CD8B2: variants seen among roughly 807,000 people sequenced by gnomAD.
CD8B2 encodes the protein CD8B family member 2.
CD8B2 carries 11 observed loss-of-function variants against 23.7 expected under a neutral mutation model. The ratio of observed to expected loss-of-function variants is 0.46; its 90% CI spans 0.29 to 0.77. The LOEUF (loss-of-function observed/expected upper bound fraction) is 0.77, where lower values mean the gene tolerates loss of function less well. Among genes scored for constraint, CD8B2 ranks in the 30% least tolerant of loss-of-function variants. The pLI, the probability that CD8B2 is intolerant of heterozygous loss-of-function variation, is 0.09. For missense variants in CD8B2, 197 were observed against 270.5 expected, an observed-to-expected ratio of 0.73 and a Z score of 1.91; for synonymous variants, 90 against 109.3, an observed-to-expected ratio of 0.82 and a Z score of 1.10.
rs1328989299 is a variant in CD8B2 at position 106,508,917 on chromosome 2, A to G, written c.*1977A>G. On this transcript the variant is annotated 3_prime_UTR_variant, in exon 6 of 6. Coordinates refer to ENST00000643224, the MANE Select transcript of CD8B2 (RefSeq NM_001349727.2). ...GGGGTTTTTCCTTTTGGTGTACGTT[A>G]ATTGGCCTTAGATGCCCTGCCCCCA... 1.2e-5 allele frequency: 1 copy of G among 80,652 alleles called. No individual in the cohort carries two copies. The highest frequency in any genetic ancestry group is 1.4e-4 in the Admixed American group (1 of 6,916). The allele number at this position is 80,652 out of a possible 1,614,324, so 5.0% of individuals were successfully genotyped here. A position where few individuals can be genotyped will look rare whatever the true frequency, so the allele number is the denominator to read the frequency against.
At chr2:106,514,286 CTTTT>C (rs536439504), downstream of CD8B2, among the ~76,000 whole-genome samples, 7 of 111,988 alleles carry the variant, frequency 6.3e-5, no homozygotes, top group Admixed American at 1.9e-4. Context: ...GAACGCTTGT[CTTTT>C]TTTTTTTTTT....
intron 4 of CD8B2, among the ~76,000 whole-genome samples, chr2:106,503,931 T>G (rs1298472702): frequency 6.7e-6 from 1 of 148,492 alleles, no homozygotes; most frequent in African/African-American, 2.4e-5. Flanking sequence ...ATGTCTGACC[T>G]GCTGTGAAGG....
intron 5 of CD8B2, among the ~76,000 whole-genome samples, chr2:106,524,345 G>A (rs920029312): frequency 1.3e-5 from 2 of 152,164 alleles, no homozygotes; most frequent in African/African-American, 4.8e-5. Flanking sequence ...TTATTTCCGG[G>A]CATTGTTTTC....
intron 2 of CD8B2, among the ~76,000 whole-genome samples, chr2:106,495,238 G>T (rs1245643430): frequency 6.6e-6 from 1 of 152,158 alleles, no homozygotes; most frequent in Non-Finnish European, 1.5e-5. Flanking sequence ...CGGTTAATCA[G>T]GGGTGTAGGT....
chr2:106,494,660 C>T (rs62153986), intron 2 of CD8B2, among the ~76,000 whole-genome samples: 37 of 152,048 alleles, frequency 2.4e-4, no homozygotes, highest in Non-Finnish European at 2.2e-4. Flanking sequence ...CAGCTGTCTT[C>T]CTTTGCTCTG....
intron 5 of CD8B2, among the ~76,000 whole-genome samples, chr2:106,524,994 C>G (rs1558884747): frequency 6.6e-6 from 1 of 152,186 alleles, no homozygotes; most frequent in Admixed American, 6.5e-5. Flanking sequence ...AGTTAAACTG[C>G]TTTTTAGATG....
intron 4 of CD8B2, among the ~76,000 whole-genome samples, chr2:106,503,444 A>T (rs913075649): frequency 1.9e-4 from 29 of 152,176 alleles, no homozygotes; most frequent in Non-Finnish European, 3.4e-4. Flanking sequence ...CATGTACCCC[A>T]TTCTAAGAAA....
At position 106,508,804 on chromosome 2, in the gene CD8B2, A is replaced by C. The variant is rs138453344; in HGVS notation, c.*1864A>C. 1 of 152,302 alleles carries C rather than the reference A, an allele frequency of 6.6e-6. No homozygotes were observed. The highest frequency in any genetic ancestry group is 2.4e-5 in the African/African-American group (1 of 41,460). 9.4% of individuals were successfully genotyped at this position (152,302 alleles called of 1,614,324 possible). On this transcript the variant is annotated 3_prime_UTR_variant, in exon 6 of 6. Coordinates refer to ENST00000643224, the MANE Select transcript of CD8B2 (RefSeq NM_001349727.2). The stretch of plus-strand genomic sequence containing the variant: ...GCTTGGTCTGTGGTCAATCCAGGGC[A>C]GTCTCCCTTTCCATCTGAGATGCAG...
chr2:106,495,452 T>C lies in CD8B2; in HGVS notation c.404-721T>C, dbSNP rs559866872. Among the ~76,000 whole-genome samples the C allele has an allele frequency of 9.9e-5, 15 of 152,252 alleles. No homozygotes were observed. In the East Asian group the frequency reaches 2.5e-3, roughly 26 times the overall value. On this transcript the variant is annotated intron_variant, in intron 2 of 5. Transcript: ENST00000643224. ...TACTCTGGAGGCTGAGGCAGGATAA[T>C]TGCTTGAACCCGGGAGGCAAAGGTT...
At chr2:106,520,684 A>G (rs1047244079) in intron 5 of CD8B2, among the ~76,000 whole-genome samples, 2 of 152,126 alleles carry the variant, frequency 1.3e-5, no homozygotes, top group Non-Finnish European at 2.9e-5. Flanking sequence ...TTGAGGTCCA[A>G]CATGGTGAAA....
intron 5 of CD8B2, among the ~76,000 whole-genome samples, chr2:106,536,921 A>G (rs530198249): frequency 3.1e-4 from 47 of 152,338 alleles, no homozygotes; most frequent in African/African-American, 1.1e-3. Context: ...TGCCAATCAA[A>G]CTGTGGCTGT....
At chr2:106,501,443 A>C (rs1166069073) in intron 3 of CD8B2, among the ~76,000 whole-genome samples, 1 of 152,182 alleles carries the variant, frequency 6.6e-6, no homozygotes, top group African/African-American at 2.4e-5. Context: ...GCACTTTGGG[A>C]GGCTGAGGCG....
intron 5 of CD8B2, among the ~76,000 whole-genome samples, chr2:106,521,006 A>AAC (rs1553468229): frequency 2.7e-5 from 4 of 148,912 alleles, no homozygotes; most frequent in African/African-American, 9.9e-5. Flanking sequence ...GCAAAAAAAA[A>AAC]ATCATAATGT....
At chr2:106,514,437 G>A (rs1258045215), downstream of CD8B2, among the ~76,000 whole-genome samples, 11 of 151,742 alleles carry the variant, frequency 7.2e-5, no homozygotes, top group African/African-American at 1.7e-4. Flanking sequence ...ACAGGTGCGC[G>A]CCATCATGCC....
chr2:106,492,883 A>G (rs1679220559), intron 2 of CD8B2, among the ~76,000 whole-genome samples: 1 of 152,196 alleles, frequency 6.6e-6, no homozygotes, highest in Non-Finnish European at 1.5e-5. Context: ...CGTATTGAAA[A>G]ATGGACTTTG....
chr2:106,521,259 C>G (rs34560517), intron 5 of CD8B2, among the ~76,000 whole-genome samples: 24,782 of 151,944 alleles, frequency 0.16, 2,141 homozygotes, highest in African/African-American at 0.19. Context: ...TCCACTTGGC[C>G]GGCACCATGT....
intron 5 of CD8B2, among the ~76,000 whole-genome samples, chr2:106,526,204 G>A (rs550693203): frequency 6.7e-6 from 1 of 149,400 alleles, no homozygotes; most frequent in Admixed American, 6.7e-5. Context: ...TTGCAGTACT[G>A]CACTCTATCC....
chr2:106,536,733 T>C (rs532415371), intron 5 of CD8B2, among the ~76,000 whole-genome samples: 2 of 152,090 alleles, frequency 1.3e-5, no homozygotes, highest in South Asian at 2.1e-4. Flanking sequence ...AGGAAATGAG[T>C]GAGAAGTGGC....
intron 2 of CD8B2, among the ~76,000 whole-genome samples, chr2:106,494,991 T>A (rs1052859246): frequency 1.3e-5 from 2 of 152,140 alleles, no homozygotes; most frequent in Non-Finnish European, 2.9e-5. Flanking sequence ...GCTTCCTCCA[T>A]GTGCTTAGGG....
Sources: gnomAD v4.1 joint callset for allele counts (sites outside exome capture counted in the v4.1 genomes callset) on GRCh38, gnomAD v4.1.1 for gene constraint, MANE v1.5 for transcripts, NCBI Gene and HGNC (gene_info 2026-07-23, HGNC 2026-07-21) for gene names.